Variants in MTHFD1L observed in about 807,000 individuals in gnomAD.
MTHFD1L encodes monofunctional C1-tetrahydrofolate synthase, mitochondrial.
A neutral mutation model predicts 119.5 loss-of-function variants in MTHFD1L; 81 were observed. The ratio of observed to expected loss-of-function variants is 0.68; its 90% CI spans 0.57 to 0.82. MTHFD1L has a LOEUF of 0.82. MTHFD1L is among the 40% of genes least tolerant of loss of function. MTHFD1L has a pLI of 0.00. For synonymous variants in MTHFD1L, 430 were observed against 475.2 expected (o/e 0.90, Z 1.24); for missense variants, 1,125 against 1,253.4 (o/e 0.90, Z 1.55).
At chr6:150,906,176 A>T (rs1785872383) in intron 8 of MTHFD1L, among the ~76,000 whole-genome samples, 1 of 152,238 alleles carries the variant, frequency 6.6e-6, no homozygotes, top group South Asian at 2.1e-4. Flanking sequence ...TGGGAATAGG[A>T]TCAGCCTGTG....
chr6:151,015,104 C>G, intron 23 of MTHFD1L, 124 bp downstream of exon 23: 4 of 698,312 alleles, frequency 5.7e-6, no homozygotes, highest in Non-Finnish European at 9.0e-6. Flanking sequence ...ATACCCAGTT[C>G]TTTCTGTTTG....
chr6:150,889,483 T>C (rs1782874018), intron 7 of MTHFD1L, among the ~76,000 whole-genome samples: 1 of 152,216 alleles, frequency 6.6e-6, no homozygotes, highest in South Asian at 2.1e-4. Flanking sequence ...TGAAAAGAAG[T>C]TCTTAAAAAA....
At chr6:150,972,124 A>C in intron 20 of MTHFD1L, 66 bp downstream of exon 20, 1 of 1,359,936 alleles carries the variant, frequency 7.4e-7, no homozygotes, top group Non-Finnish European at 1.0e-6. Flanking sequence ...TGATGACTGG[A>C]ATGGAGTGAT....
At chr6:150,994,074 A>AAAG (rs1562508639) in intron 20 of MTHFD1L, among the ~76,000 whole-genome samples, 1 of 146,038 alleles carries the variant, frequency 6.8e-6, no homozygotes, top group African/African-American at 2.7e-5. Context: ...TAAAAAAAAA[A>AAAG]AAAAAAGAAA....
At chr6:151,085,054 ATTGT>A (rs1793664556) in intron 26 of MTHFD1L, among the ~76,000 whole-genome samples, 2 of 148,822 alleles carry the variant, frequency 1.3e-5, no homozygotes, top group Non-Finnish European at 3.0e-5. Context: ...AGATAAGCAC[ATTGT>A]TTATATAGGA....
At chr6:150,967,958 C>G (rs1239941066) in intron 19 of MTHFD1L, among the ~76,000 whole-genome samples, 1 of 151,888 alleles carries the variant, frequency 6.6e-6, no homozygotes, top group African/African-American at 2.4e-5. Context: ...GGATCTGGCT[C>G]TCACCCCTTC....
At position 150,884,141 on chromosome 6, in the gene MTHFD1L, AT is replaced by A. The variant is rs55821340; in HGVS notation, c.542+1273del. ...GACAACATAGTGAGACCTCATCTCT[AT>A]TTTTTTTTTTTTTTTTTGAGACAGA... On this transcript the variant is annotated intron_variant, in intron 5 of 27. Transcript: ENST00000367321. 9.3e-3 allele frequency among the ~76,000 whole-genome samples: 1,213 copies of A among 130,602 alleles called. 12 individuals are homozygous for A. Among genetic ancestry groups the A allele is most frequent in the African/African-American group, 0.027 (946 of 35,210 alleles). The allele number at this position is 130,602 out of a possible 152,430, so 85.7% of individuals were successfully genotyped here.
intron 20 of MTHFD1L, among the ~76,000 whole-genome samples, chr6:150,985,660 CAA>C (rs71014533): frequency 0.029 from 2,321 of 78,910 alleles, 27 homozygotes; most frequent in African/African-American, 0.11. Flanking sequence ...GACTCTGTCT[CAA>C]AAAAAAAAAA....
rs757027880 is a variant in MTHFD1L at position 151,015,735 on chromosome 6, T to C, written c.2586+42T>C. On this transcript the variant is annotated intron_variant, in intron 24 of 27. Coordinates refer to ENST00000367321, the MANE Select transcript of MTHFD1L (RefSeq NM_015440.5). The stretch of plus-strand genomic sequence containing the variant: ...ACAATGGCTCACATTTCTTACACCT[T>C]AGCATGGGTTGTCCCATTCTGTTGT... The C allele has an allele frequency of 1.9e-6, 3 of 1,593,278 alleles. No homozygotes were observed. The South Asian group carries it at 3.4e-5, about 18-fold the overall frequency.
chr6:151,052,925 AT>A (rs986479812), intron 26 of MTHFD1L, among the ~76,000 whole-genome samples: 2 of 152,350 alleles, frequency 1.3e-5, no homozygotes, highest in Admixed American at 6.5e-5. Context: ...TCCAGGCTGA[AT>A]AAAGGGACAA....
chr6:150,927,419 T>C lies in MTHFD1L; in HGVS notation c.1256+1124T>C, dbSNP rs534472158. 3.3e-5 allele frequency among the ~76,000 whole-genome samples: 5 copies of C among 151,698 alleles called. No individual in the cohort carries two copies. In the South Asian group the frequency reaches 1.0e-3, roughly 32 times the overall value. On this transcript the variant is annotated intron_variant, in intron 11 of 27. Coordinates refer to ENST00000367321, the MANE Select transcript of MTHFD1L (RefSeq NM_015440.5). ...TATTGAGCTATGTCACCATTTTTCATGACAACATAACATTCCATCACTCAC... is the reference window on the plus strand; with the variant it reads ...TATTGAGCTATGTCACCATTTTTCACGACAACATAACATTCCATCACTCAC...
intron 9 of MTHFD1L, among the ~76,000 whole-genome samples, chr6:150,919,632 T>A (rs1788561226): frequency 6.6e-6 from 1 of 152,102 alleles, no homozygotes; most frequent in African/African-American, 2.4e-5. Flanking sequence ...AAAGCAGGCA[T>A]CTCACAAGGC....
intron 8 of MTHFD1L, among the ~76,000 whole-genome samples, chr6:150,909,868 T>C (rs1786561594): frequency 6.6e-6 from 1 of 152,162 alleles, no homozygotes; most frequent in Non-Finnish European, 1.5e-5. Context: ...CTCGTATGGC[T>C]CTGAAGGGAG....
At chr6:150,967,332 C>T (rs531923016) in intron 19 of MTHFD1L, among the ~76,000 whole-genome samples, 22 of 152,326 alleles carry the variant, frequency 1.4e-4, no homozygotes, top group African/African-American at 4.8e-4. Flanking sequence ...GTTCCTCTGG[C>T]GTCTGGGGTC....
At chr6:151,007,621 G>A (rs896888168) in intron 20 of MTHFD1L, among the ~76,000 whole-genome samples, 1 of 152,128 alleles carries the variant, frequency 6.6e-6, no homozygotes, top group Non-Finnish European at 1.5e-5. Context: ...GGACAGCGCC[G>A]CATAATCCAG....
chr6:151,006,288 C>T (rs1261624054), intron 20 of MTHFD1L, among the ~76,000 whole-genome samples: 11 of 152,026 alleles, frequency 7.2e-5, no homozygotes, highest in African/African-American at 9.7e-5. Context: ...TCTTGGACAG[C>T]GGGTTAAAGA....
At chr6:151,056,830 GAGGGA>G (rs1237655210) in intron 26 of MTHFD1L, among the ~76,000 whole-genome samples, 1 of 152,200 alleles carries the variant, frequency 6.6e-6, no homozygotes, top group Non-Finnish European at 1.5e-5. Context: ...TCTGACCTGG[GAGGGA>G]AGGGACGGAA....
intron 24 of MTHFD1L, among the ~76,000 whole-genome samples, chr6:151,021,655 T>C (rs1263950855): frequency 6.6e-6 from 1 of 152,198 alleles, no homozygotes; most frequent in Non-Finnish European, 1.5e-5. Context: ...AGAATTCTCC[T>C]GTAACTCAAG....
intron 27 of MTHFD1L, among the ~76,000 whole-genome samples, chr6:151,095,792 G>A (rs1237631416): frequency 6.6e-6 from 1 of 152,246 alleles, no homozygotes. Flanking sequence ...ACTGAGGGGT[G>A]GCCCTGGTCT....
Sources: allele counts gnomAD v4.1 joint callset (sites outside exome capture counted in the v4.1 genomes callset), GRCh38; gene constraint gnomAD v4.1.1; transcripts MANE v1.5; gene names NCBI Gene and HGNC (gene_info 2026-07-23, HGNC 2026-07-21).